Variants in IMPG2 observed in about 807,000 individuals in gnomAD.
IMPG2 encodes the protein IPM 200.
In IMPG2, 91 loss-of-function variants were observed where a neutral mutation model predicts 129.2. That is an observed-to-expected ratio of 0.70 (90% CI 0.59 to 0.84). The LOEUF (loss-of-function observed/expected upper bound fraction) is 0.84, where lower values mean the gene tolerates loss of function less well. Among genes scored for constraint, IMPG2 ranks in the 40% least tolerant of loss-of-function variants. The pLI is 0.00. For synonymous variants in IMPG2, 510 were observed against 517.7 expected (o/e 0.99, Z 0.20); for missense variants, 1,430 against 1,461.7 (o/e 0.98, Z 0.35).
intron 14 of IMPG2, among the ~76,000 whole-genome samples, chr3:101,237,925 G>A (rs776566884): frequency 3.3e-5 from 5 of 151,934 alleles, no homozygotes; most frequent in African/African-American, 4.8e-5. Flanking sequence ...AAACTCCTGC[G>A]AGCTAAAGAA....
intron 17 of IMPG2, 80 bp downstream of exon 17, chr3:101,229,300 A>ACCCCCCCCCCCCCCCCCCCGGGGCC: frequency 1.2e-6 from 1 of 859,118 alleles, no homozygotes. Flanking sequence ...ACTCATACAC[A>ACCCCCCCCCCCCCCCCCCCGGGGCC]CCCCCACCCA....
intron 11 of IMPG2, among the ~76,000 whole-genome samples, chr3:101,250,378 G>A (rs1706530889): frequency 2.0e-5 from 3 of 152,072 alleles, no homozygotes; most frequent in Admixed American, 2.0e-4. Flanking sequence ...TGTGCTTTAT[G>A]AGGCCATCCT....
At position 101,244,084 on chromosome 3, in the gene IMPG2, T is replaced by C; in HGVS notation, c.2247A>G (p.Gln749=). ...ADAILREDME[Q]ITESSNYEWF... ...ATTCATAGTTGGATGACTCAGTAATTTGTTCCATATCCTCCCTTAGGATGG... is the reference window on the plus strand; with the variant it reads ...ATTCATAGTTGGATGACTCAGTAATCTGTTCCATATCCTCCCTTAGGATGG... The change falls in exon 13 of 19, where the codon CAA becomes CAG. Residue 749 remains glutamine (Q), a synonymous_variant. Transcript: ENST00000193391. The C allele has an allele frequency of 6.2e-7, 1 of 1,614,046 alleles. No homozygotes were observed. Among genetic ancestry groups the C allele is most frequent in the Non-Finnish European group, 8.5e-7 (1 of 1,180,032 alleles).
chr3:101,260,747 C>T (rs574586811), intron 9 of IMPG2, among the ~76,000 whole-genome samples: 2 of 152,292 alleles, frequency 1.3e-5, no homozygotes, highest in Admixed American at 1.3e-4. Flanking sequence ...TGTCATCTCC[C>T]AGGGAAACTT....
chr3:101,262,859 C>T (rs2107239920), intron 9 of IMPG2, among the ~76,000 whole-genome samples: 2 of 148,760 alleles, frequency 1.3e-5, no homozygotes, highest in South Asian at 4.3e-4. Context: ...GGGATAGAAA[C>T]ATATATCCCA....
Position 101,245,963 on chromosome 3 carries a change from G to C in IMPG2, c.1382C>G (p.Thr461Arg), listed in dbSNP as rs201905772. 1.8e-4 allele frequency: 288 copies of C among 1,614,182 alleles called. 1 individual carries two copies. The East Asian group carries it at 6.0e-3, about 34-fold the overall frequency. The part of the protein sequence containing the change: ...SESPLGDLVS[T>R]HKLAFPSKMG... Reference sequence around the variant, plus strand: ...CTTCGAGGGAAAGGCTAATTTGTGTGTAGACACTAAATCACCCAAAGGACT... The same window carrying C: ...CTTCGAGGGAAAGGCTAATTTGTGTCTAGACACTAAATCACCCAAAGGACT... The change falls in exon 12 of 19, where the codon ACA (threonine) becomes AGA (arginine). Residue 461 changes from threonine (T) to arginine (R), a missense_variant. Physicochemically the swap from Thr to Arg is moderately conservative, Grantham distance 71. Coordinates refer to ENST00000193391, the MANE Select transcript of IMPG2 (RefSeq NM_016247.4).
intron 14 of IMPG2, among the ~76,000 whole-genome samples, chr3:101,235,753 G>T (rs1281951031): frequency 6.6e-6 from 1 of 152,176 alleles, no homozygotes; most frequent in Non-Finnish European, 1.5e-5. Flanking sequence ...GTAAATTTAG[G>T]ATGGGAGACA....
chr3:101,238,742 C>T (rs949921808), intron 14 of IMPG2, among the ~76,000 whole-genome samples: 4 of 152,168 alleles, frequency 2.6e-5, no homozygotes, highest in Non-Finnish European at 5.9e-5. Context: ...AAAGGAAAAA[C>T]CAGTACCAGC....
chr3:101,291,993 T>A (rs1707023230), intron 3 of IMPG2, among the ~76,000 whole-genome samples: 1 of 152,212 alleles, frequency 6.6e-6, no homozygotes, highest in South Asian at 2.1e-4. Flanking sequence ...CCCAGGGGCA[T>A]TCTAAAGCAA....
intron 10 of IMPG2, among the ~76,000 whole-genome samples, chr3:101,256,172 A>G (rs181494331): frequency 1.7e-4 from 25 of 148,764 alleles, no homozygotes; most frequent in African/African-American, 6.0e-4. Context: ...AAAGAAAGAA[A>G]GAAAGAAAGA....
intron 16 of IMPG2, among the ~76,000 whole-genome samples, chr3:101,230,321 T>C (rs1344718584): frequency 1.3e-5 from 2 of 152,118 alleles, no homozygotes; most frequent in Non-Finnish European, 2.9e-5. Context: ...ATGGACCAGG[T>C]TTTATTTCCC....
intron 14 of IMPG2, among the ~76,000 whole-genome samples, chr3:101,237,973 G>GA (rs1317249478): frequency 6.6e-6 from 1 of 151,900 alleles, no homozygotes; most frequent in African/African-American, 2.4e-5. Context: ...TAAGAACCTT[G>GA]AAAAAAGGTT....
At chr3:101,230,701 T>C (rs1268795446) in intron 16 of IMPG2, among the ~76,000 whole-genome samples, 1 of 152,178 alleles carries the variant, frequency 6.6e-6, no homozygotes, top group African/African-American at 2.4e-5. Context: ...CAGCCATCAT[T>C]AAAACTTTTA....
At chr3:101,311,493 C>T (rs948861099) in intron 2 of IMPG2, among the ~76,000 whole-genome samples, 5 of 152,046 alleles carry the variant, frequency 3.3e-5, no homozygotes, top group African/African-American at 4.8e-5. Context: ...GATTAAAATG[C>T]TTAGGAATAA....
At chr3:101,309,163 T>C (rs1407848825) in intron 2 of IMPG2, among the ~76,000 whole-genome samples, 1 of 152,210 alleles carries the variant, frequency 6.6e-6, no homozygotes, top group African/African-American at 2.4e-5. Context: ...AGTTCTGAAC[T>C]TTCCCACATC....
chr3:101,263,330 T>G (rs1022312383), intron 9 of IMPG2, among the ~76,000 whole-genome samples: 1 of 151,932 alleles, frequency 6.6e-6, no homozygotes, highest in Non-Finnish European at 1.5e-5. Flanking sequence ...TCTCAAAAAA[T>G]TTTTTTATCA....
At position 101,232,991 on chromosome 3, in the gene IMPG2, C is replaced by T. The variant is rs768975120; in HGVS notation, c.3023G>A (p.Gly1008Asp). ...AAACTTGCAAGGGTTGGCTTCATCA[C>T]CTAAAACATTAAACAAAGAATAATG... is the stretch of plus-strand genomic sequence containing the variant. Reference protein sequence around the residue: ...IDKYSLDVESGDEANPCKFQA... With the variant: ...IDKYSLDVESDDEANPCKFQA... Residue 1008 changes from glycine to aspartate, a missense_variant and splice_region_variant, in exon 15 of 19, where the codon GGT becomes GAT. Coordinates refer to ENST00000193391, the MANE Select transcript of IMPG2 (RefSeq NM_016247.4). 6.2e-7 allele frequency: 1 copy of T among 1,613,890 alleles called. No homozygotes were observed. The highest frequency in any genetic ancestry group is 8.5e-7 in the Non-Finnish European group (1 of 1,179,850).
intron 7 of IMPG2, among the ~76,000 whole-genome samples, chr3:101,273,071 T>G (rs1706804502): frequency 6.6e-6 from 1 of 152,200 alleles, no homozygotes; most frequent in Non-Finnish European, 1.5e-5. Flanking sequence ...AGAAATCCCT[T>G]TTTAAAAATA....
In IMPG2 at chr3:101,238,296, G is replaced by T. The variant is rs1576745715; in HGVS notation, c.3022+4392C>A. Among the ~76,000 whole-genome samples, 8 of 152,248 alleles carry T rather than the reference G, an allele frequency of 5.3e-5. No individual in the cohort carries two copies. The South Asian group carries it at 1.0e-3, about 20-fold the overall frequency. On this transcript the variant is annotated intron_variant, in intron 14 of 18. Coordinates refer to ENST00000193391, the MANE Select transcript of IMPG2 (RefSeq NM_016247.4). ...ATGGAACCAAGTTGGAAAACAGTCT[G>T]CAGGATATTATCCAGGAGAACTTCC...
Sources: allele counts gnomAD v4.1 joint callset (sites outside exome capture counted in the v4.1 genomes callset), GRCh38; gene constraint gnomAD v4.1.1; transcripts MANE v1.5; gene names NCBI Gene and HGNC (gene_info 2026-07-23, HGNC 2026-07-21).